Variants in CACNA1C observed in about 807,000 individuals in gnomAD.
CACNA1C encodes the protein calcium voltage-gated channel subunit alpha1 C, also known as voltage-dependent L-type calcium channel subunit alpha-1C.
A neutral mutation model predicts 229.0 loss-of-function variants in CACNA1C; 30 were observed. The ratio of observed to expected loss-of-function variants is 0.13; its 90% confidence interval spans 0.10 to 0.18. CACNA1C has a LOEUF of 0.18. Ranked by LOEUF, CACNA1C falls within the 10% of genes least tolerant of loss-of-function variation. The pLI is 1.00. For synonymous variants in CACNA1C, 1,114 were observed against 1,132.5 expected (o/e 0.98, Z 0.33); for missense variants, 1,658 against 2,845.0 (o/e 0.58, Z 9.49).
At chr12:2,415,657 G>A (rs1243654224) in intron 3 of CACNA1C, among the ~76,000 whole-genome samples, 3 of 152,202 alleles carry the variant, frequency 2.0e-5, no homozygotes, top group African/African-American at 7.2e-5. Flanking sequence ...AGGTCGGACA[G>A]TGGTGACCGT....
intron 29 of CACNA1C, among the ~76,000 whole-genome samples, chr12:2,621,898 C>T (rs1363034226): frequency 2.6e-5 from 4 of 152,124 alleles, no homozygotes; most frequent in East Asian, 1.9e-4. Flanking sequence ...TTCAGACAGG[C>T]GATCTGGGCT....
chr12:2,567,022 C>CCG (rs2051384234), intron 12 of CACNA1C, among the ~76,000 whole-genome samples: 1 of 152,230 alleles, frequency 6.6e-6, no homozygotes, highest in Non-Finnish European at 1.5e-5. Context: ...GCACAAGGAA[C>CCG]CGTCTTCAAT....
intron 12 of CACNA1C, among the ~76,000 whole-genome samples, 195 bp from the exon 13 acceptor site, chr12:2,567,374 T>C (rs1391119007): frequency 6.6e-6 from 1 of 152,232 alleles, no homozygotes. Context: ...GCTCAGTAAA[T>C]GTCTGTTATG....
At chr12:2,544,684 A>G (rs556677639) in intron 9 of CACNA1C, among the ~76,000 whole-genome samples, 52 of 152,372 alleles carry the variant, frequency 3.4e-4, no homozygotes, top group African/African-American at 1.2e-3. Flanking sequence ...ACTCTCGGAA[A>G]GCATTTTCTG....
In CACNA1C at chr12:2,493,461, C is replaced by T; in HGVS notation, c.1113+75C>T. 1 of 1,119,502 alleles carries T rather than the reference C, an allele frequency of 8.9e-7. No individual in the cohort carries two copies. The highest frequency in any genetic ancestry group is 1.8e-5 in the Admixed American group (1 of 56,832). The allele number at this position is 1,119,502 out of a possible 1,614,324, so 69.3% of individuals were successfully genotyped here. A position where few individuals can be genotyped will look rare whatever the true frequency, so the allele number is the denominator to read the frequency against. The stretch of plus-strand genomic sequence containing the variant: ...ACCCTTCCCTGACACCTCCCTTTCT[C>T]CTCCTCCCCATGGTCTTGGGGTCAC... On this transcript the variant is annotated intron_variant, in intron 7 of 46. Coordinates refer to ENST00000399655, the MANE Select transcript of CACNA1C (RefSeq NM_000719.7). The surrounding 1 kb of genome is among the most constrained non-coding windows in gnomAD (Gnocchi z 4.6).
intron 6 of CACNA1C, among the ~76,000 whole-genome samples, chr12:2,492,086 G>A (rs753611843): frequency 9.2e-5 from 14 of 151,912 alleles, no homozygotes; most frequent in Non-Finnish European, 1.8e-4. Context: ...CTTTGTCTAA[G>A]GACAGGACAA....
At chr12:2,225,250 G>C (rs2062628085) in intron 3 of CACNA1C, among the ~76,000 whole-genome samples, 1 of 152,164 alleles carries the variant, frequency 6.6e-6, no homozygotes, top group South Asian at 2.1e-4. Flanking sequence ...TGCACAAAGA[G>C]AATTATAAAG....
chr12:2,677,511 G>T lies in CACNA1C; in HGVS notation c.4957-222G>T. On this transcript the variant is annotated intron_variant, in intron 40 of 46. Coordinates refer to ENST00000399655, the MANE Select transcript of CACNA1C (RefSeq NM_000719.7). The surrounding 1 kb of genome is among the most constrained non-coding windows in gnomAD (Gnocchi z 7.4). ...GACAGCCCCTGACCCCTGGTGCCCCGTCCTAATGAGCCTTCATCCCTCCTG... is the reference window on the plus strand; with the variant it reads ...GACAGCCCCTGACCCCTGGTGCCCCTTCCTAATGAGCCTTCATCCCTCCTG... 2 of 625,512 alleles carry T rather than the reference G, an allele frequency of 3.2e-6. No individual in the cohort carries two copies. The highest frequency in any genetic ancestry group is 5.8e-5 in the Admixed American group (2 of 34,352). The allele number at this position is 625,512 out of a possible 1,614,324, so 38.7% of individuals were successfully genotyped here.
In CACNA1C at chr12:2,649,170, G is replaced by A. The variant is rs768437627; in HGVS notation, c.3945+663G>A. On this transcript the variant is annotated intron_variant, in intron 31 of 46. Transcript: ENST00000399655. The surrounding 1 kb of genome is among the most constrained non-coding windows in gnomAD (Gnocchi z 4.4). ...AGCTGGAAGCAGAAAAACAAGCTCC[G>A]TTGATTGGACCACTCCTGTTGTAGG... Among the ~76,000 whole-genome samples the A allele has an allele frequency of 4.6e-5, 7 of 152,200 alleles. No homozygotes were observed. Among genetic ancestry groups the A allele is most frequent in the East Asian group, 3.8e-4 (2 of 5,204 alleles).
intron 1 of CACNA1C, among the ~76,000 whole-genome samples, chr12:2,061,326 A>G (rs1044446506): frequency 1.3e-5 from 2 of 152,222 alleles, no homozygotes; most frequent in African/African-American, 2.4e-5. Context: ...CAGCATTTCA[A>G]ACAACTTTGG....
At chr12:2,284,501 C>CA (rs2154442156) in intron 3 of CACNA1C, among the ~76,000 whole-genome samples, 1 of 152,266 alleles carries the variant, frequency 6.6e-6, no homozygotes, top group African/African-American at 2.4e-5. Flanking sequence ...AACAGCCCTC[C>CA]AGGCGGGCAT....
chr12:2,405,350 G>A (rs553076686), intron 3 of CACNA1C, among the ~76,000 whole-genome samples: 47 of 152,222 alleles, frequency 3.1e-4, no homozygotes, highest in African/African-American at 1.1e-3. Context: ...GACCACTGCC[G>A]CAGATGCAGA....
intron 3 of CACNA1C, among the ~76,000 whole-genome samples, chr12:2,438,981 A>AT (rs1177555502): frequency 1.3e-5 from 2 of 152,094 alleles, no homozygotes; most frequent in Non-Finnish European, 2.9e-5. Flanking sequence ...GCAAATGCCC[A>AT]TTGTCCCCAG....
rs749370843 is a variant in CACNA1C at position 2,512,907 on chromosome 12, T to G, written c.1313T>G (p.Leu438Arg). 6.2e-7 allele frequency: 1 copy of G among 1,612,956 alleles called. No individual in the cohort carries two copies. Among genetic ancestry groups the G allele is most frequent in the Non-Finnish European group, 8.5e-7 (1 of 1,179,564 alleles). Residue 438 changes from leucine (L) to arginine (R), a missense_variant, in exon 9 of 47, where the codon CTG becomes CGG. Around this residue, in one of 20 missense-constraint regions of CACNA1C, gnomAD observed 149 missense variants for 194.2 expected, o/e 0.77. Coordinates refer to ENST00000399655, the MANE Select transcript of CACNA1C (RefSeq NM_000719.7). This position sits in a 1 kb window ranked among gnomAD's most constrained non-coding sequence, Gnocchi z 4.3. ...QQLEEDLKGY[L>R]DWITQAEDID... Reference sequence around the variant, plus strand: ...CTAGAAGAGGATCTCAAAGGCTACCTGGATTGGATCACTCAGGCCGAAGAC... The same window carrying G: ...CTAGAAGAGGATCTCAAAGGCTACCGGGATTGGATCACTCAGGCCGAAGAC...
chr12:2,229,452 G>T (rs926647143), intron 3 of CACNA1C, among the ~76,000 whole-genome samples: 2 of 152,146 alleles, frequency 1.3e-5, no homozygotes, highest in African/African-American at 4.8e-5. Flanking sequence ...AGGTGTCAGG[G>T]AGTTAGCAAT....
At chr12:2,064,735 C>A (rs573428535) in intron 1 of CACNA1C, among the ~76,000 whole-genome samples, 3 of 152,190 alleles carry the variant, frequency 2.0e-5, no homozygotes, top group East Asian at 3.9e-4. Context: ...GATTGATGCC[C>A]CAGTTAAATG....
chr12:2,666,884 C>G lies in CACNA1C; in HGVS notation c.4623+102C>G. 1 of 742,302 alleles carries G rather than the reference C, an allele frequency of 1.3e-6. No individual in the cohort carries two copies. The highest frequency in any genetic ancestry group is 2.4e-6 in the Non-Finnish European group (1 of 424,094). The allele number at this position is 742,302 out of a possible 1,614,324, so 46.0% of individuals were successfully genotyped here. A position where few individuals can be genotyped will look rare whatever the true frequency, so the allele number is the denominator to read the frequency against. ...GGGAATGAACATACTAGTTTATGTG[C>G]CTAAAGATTACATTTTAAGGGTCCT... On this transcript the variant is annotated intron_variant, in intron 37 of 46. Coordinates refer to ENST00000399655, the MANE Select transcript of CACNA1C (RefSeq NM_000719.7). The surrounding 1 kb of genome is among the most constrained non-coding windows in gnomAD (Gnocchi z 5.3).
intron 1 of CACNA1C, among the ~76,000 whole-genome samples, chr12:2,072,604 T>G (rs2061769694): frequency 6.6e-6 from 1 of 152,258 alleles, no homozygotes; most frequent in Non-Finnish European, 1.5e-5. Context: ...CAGAGTGTTT[T>G]AAACTTTCAA....
chr12:2,120,827 T>A (rs947372418), intron 3 of CACNA1C, among the ~76,000 whole-genome samples: 3 of 152,110 alleles, frequency 2.0e-5, no homozygotes, highest in Admixed American at 2.0e-4. Context: ...ATTGGTGGGG[T>A]TTGCTCAGGT....
Sources: allele counts gnomAD v4.1 joint callset (sites outside exome capture counted in the v4.1 genomes callset), GRCh38; gene constraint gnomAD v4.1.1; regional missense constraint gnomAD v4.1.1; non-coding constraint Gnocchi (gnomAD v3.1); transcripts MANE v1.5; gene names NCBI Gene and HGNC (gene_info 2026-07-23, HGNC 2026-07-21).